TRAK2: variants seen among roughly 807,000 people sequenced by gnomAD.
TRAK2 encodes the protein trafficking kinesin protein 2.
In TRAK2, 81 loss-of-function variants were observed where a neutral mutation model predicts 104.6. That is an observed-to-expected ratio of 0.77 (90% confidence interval 0.65 to 0.93). The LOEUF (loss-of-function observed/expected upper bound fraction) is 0.93, where lower values mean the gene tolerates loss of function less well. Among genes scored for constraint, TRAK2 ranks in the 40% least tolerant of loss-of-function variants. The pLI is 0.00. For missense variants in TRAK2, 1,002 were observed against 1,089.0 expected, an observed-to-expected ratio of 0.92 and a Z score of 1.12; for synonymous variants, 406 against 394.4, an observed-to-expected ratio of 1.03 and a Z score of -0.35.
chr2:201,414,106 T>C (rs947435721), intron 2 of TRAK2, among the ~76,000 whole-genome samples: 2 of 152,170 alleles, frequency 1.3e-5, no homozygotes, highest in Non-Finnish European at 2.9e-5. Context: ...ATCTGGCAGA[T>C]CACAGGTACT....
At chr2:201,434,737 A>G (rs1951869271) in intron 1 of TRAK2, among the ~76,000 whole-genome samples, 2 of 152,238 alleles carry the variant, frequency 1.3e-5, no homozygotes, top group Admixed American at 6.5e-5. Flanking sequence ...CAGGATTTCT[A>G]TCTTTTGCTT....
Position 201,379,838 on chromosome 2 carries a change from A to G in TRAK2, c.*705T>C, listed in dbSNP as rs1351590070. 1.3e-5 allele frequency: 2 copies of G among 152,154 alleles called. No individual in the cohort carries two copies. Among genetic ancestry groups the G allele is most frequent in the Non-Finnish European group, 2.9e-5 (2 of 67,974 alleles). The allele number at this position is 152,154 out of a possible 1,614,324, so 9.4% of individuals were successfully genotyped here. ...TGTTTTTTTTTTTGGAGGTTGTATA[A>G]AAATACAAATTTAAAAAATGAACTT... is the stretch of plus-strand genomic sequence containing the variant. On this transcript the variant is annotated 3_prime_UTR_variant, in exon 16 of 16. Coordinates refer to ENST00000332624, the MANE Select transcript of TRAK2 (RefSeq NM_015049.3).
At chr2:201,440,918 C>G (rs1270753485) in intron 1 of TRAK2, among the ~76,000 whole-genome samples, 3 of 152,212 alleles carry the variant, frequency 2.0e-5, no homozygotes, top group African/African-American at 7.2e-5. Context: ...TCTTCCCTCA[C>G]TACACTGCAA....
At chr2:201,412,363 T>A in intron 2 of TRAK2, 1 of 1,338,858 alleles carries the variant, frequency 7.5e-7, no homozygotes, top group Non-Finnish European at 1.1e-6. Context: ...TTGATCTGCA[T>A]CTGGTCTTAC....
At chr2:201,422,103 T>TTGG (rs1951746562) in intron 1 of TRAK2, among the ~76,000 whole-genome samples, 1 of 151,798 alleles carries the variant, frequency 6.6e-6, no homozygotes, top group African/African-American at 2.4e-5. Flanking sequence ...AGAAGGCTAT[T>TTGG]TGGCAATGTC....
At chr2:201,417,558 C>G (rs1319373919) in intron 2 of TRAK2, among the ~76,000 whole-genome samples, 1 of 152,102 alleles carries the variant, frequency 6.6e-6, no homozygotes, top group African/African-American at 2.4e-5. Flanking sequence ...CTAAAAATTT[C>G]TCATCCAATT....
At chr2:201,381,345 G>GT (rs1951343659) in intron 15 of TRAK2, 127 bp from the exon 16 acceptor site, 2 of 811,136 alleles carry the variant, frequency 2.5e-6, no homozygotes, top group East Asian at 5.4e-5. Context: ...AAACACATCC[G>GT]TAACTGTATG....
At position 201,398,242 on chromosome 2, in the gene TRAK2, T is replaced by C. The variant is rs139950419; in HGVS notation, c.593A>G (p.Asn198Ser). The C allele has an allele frequency of 3.2e-5, 51 of 1,613,706 alleles. No homozygotes were observed. The African/African-American group carries it at 5.3e-4, about 17-fold the overall frequency. Residue 198 changes from asparagine (N) to serine (S), a missense_variant, in exon 6 of 16, where the codon AAT becomes AGT. Transcript: ENST00000332624. ...DSSCSTPLRF[N>S]ESFSLSQGLL... ...CCCTTGAGATAAGCTAAAGGACTCA[T>C]TGAACCGAAGAGGTGTAGAACAGCT...
intron 1 of TRAK2, among the ~76,000 whole-genome samples, chr2:201,438,592 T>C (rs1047401290): frequency 6.6e-5 from 10 of 152,210 alleles, no homozygotes; most frequent in Admixed American, 3.3e-4. Context: ...TGAGCTTTAC[T>C]AGCAAGGGAC....
intron 1 of TRAK2, among the ~76,000 whole-genome samples, chr2:201,426,417 T>C (rs577861413): frequency 2.2e-4 from 34 of 152,312 alleles, no homozygotes; most frequent in African/African-American, 7.7e-4. Context: ...GTGAGTTGTA[T>C]AATTATTTCA....
chr2:201,401,998 C>A (rs768165610), intron 3 of TRAK2, among the ~76,000 whole-genome samples: 2 of 152,016 alleles, frequency 1.3e-5, no homozygotes, highest in Non-Finnish European at 2.9e-5. Flanking sequence ...AGTAGAAAAG[C>A]TGAATTCATA....
Position 201,389,412 on chromosome 2 carries a change from C to A in TRAK2, c.1285G>T (p.Gly429Cys). 1 of 1,614,128 alleles carries A rather than the reference C, an allele frequency of 6.2e-7. No homozygotes were observed. Among genetic ancestry groups the A allele is most frequent in the East Asian group, 2.2e-5 (1 of 44,878 alleles). Residue 429 changes from glycine (G) to cysteine (C), a missense_variant, in exon 12 of 16, where the codon GGC (glycine) becomes TGC (cysteine). Coordinates refer to ENST00000332624, the MANE Select transcript of TRAK2 (RefSeq NM_015049.3). ...ISFPALLPIP[G>C]SNRSSVIMTA... is the part of the protein sequence containing the mutation. ...ATGATGACACTTGAACGGTTGGAGC[C>A]TGGAATGGGTAACAGAGCTGGGAAT...
chr2:201,380,844 A>C lies in TRAK2; in HGVS notation c.2444T>G (p.Met815Arg). ...SRPAETFLQEMYGLRPSRNPP... is the reference protein window; with the variant it reads ...SRPAETFLQERYGLRPSRNPP... ...GTTCCGGGAGGGTCTCAAGCCATAC[A>C]TCTCCTGGAGGAATGTCTCAGCTGG... The change falls in exon 16 of 16, where the codon ATG becomes AGG. Residue 815 changes from methionine to arginine, a missense_variant. Met to Arg is a moderately conservative substitution (Grantham distance 91, BLOSUM62 -1). Transcript: ENST00000332624. 1 of 1,614,040 alleles carries C rather than the reference A, an allele frequency of 6.2e-7. No individual in the cohort carries two copies. The highest frequency in any genetic ancestry group is 8.5e-7 in the Non-Finnish European group (1 of 1,179,988).
chr2:201,421,954 C>A (rs1363058984), intron 1 of TRAK2, among the ~76,000 whole-genome samples: 1 of 149,358 alleles, frequency 6.7e-6, no homozygotes, highest in African/African-American at 2.5e-5. Context: ...GAGGCTGAAG[C>A]AGGAGAATCG....
At chr2:201,411,632 C>G (rs1431446444) in intron 2 of TRAK2, 5 of 806,088 alleles carry the variant, frequency 6.2e-6, no homozygotes. Flanking sequence ...TTCCAGTCAG[C>G]TGCTCTTTGG....
chr2:201,431,820 T>C (rs1169537393), intron 1 of TRAK2, among the ~76,000 whole-genome samples: 1 of 152,180 alleles, frequency 6.6e-6, no homozygotes, highest in Non-Finnish European at 1.5e-5. Flanking sequence ...CCCCACCACT[T>C]ACTGGTTGGG....
intron 15 of TRAK2, among the ~76,000 whole-genome samples, chr2:201,383,297 A>C (rs976714847): frequency 6.6e-6 from 1 of 152,176 alleles, no homozygotes; most frequent in African/African-American, 2.4e-5. Context: ...TGATCACACT[A>C]AATCTTAGGG....
chr2:201,424,703 C>T (rs944402968), intron 1 of TRAK2, among the ~76,000 whole-genome samples: 1 of 151,866 alleles, frequency 6.6e-6, no homozygotes, highest in East Asian at 1.9e-4. Context: ...CCCGGGTTCA[C>T]GCCATTCTCC....
chr2:201,392,015 T>G lies in TRAK2; in HGVS notation c.1113+894A>C, dbSNP rs1159427736. On this transcript the variant is annotated intron_variant, in intron 10 of 15. Coordinates refer to ENST00000332624, the MANE Select transcript of TRAK2 (RefSeq NM_015049.3). ...TCCTGATGCTGATGGTTGTAGTGCG[T>G]TTATGTAGGACAGTGTCCTTAAGAG... is the stretch of plus-strand genomic sequence containing the variant. Among the ~76,000 whole-genome samples, 94 of 152,264 alleles carry G rather than the reference T, an allele frequency of 6.2e-4. 1 individual carries two copies. Among genetic ancestry groups the G allele is most frequent in the Non-Finnish European group, 1.6e-4 (11 of 68,012 alleles).
Sources: gnomAD v4.1 joint callset for allele counts (sites outside exome capture counted in the v4.1 genomes callset) on GRCh38, gnomAD v4.1.1 for gene constraint, MANE v1.5 for transcripts, NCBI Gene and HGNC (gene_info 2026-07-23, HGNC 2026-07-21) for gene names.